Variants in HUWE1 observed in about 807,000 individuals in gnomAD.
The protein encoded by HUWE1 is E3 ubiquitin-protein ligase HUWE1.
HUWE1 carries 18 observed loss-of-function variants against 299.4 expected under a neutral mutation model. The ratio of observed to expected loss-of-function variants is 0.06; its 90% confidence interval spans 0.04 to 0.09. HUWE1 has a LOEUF of 0.09. Among genes scored for constraint, HUWE1 ranks in the 10% least tolerant of loss-of-function variants. HUWE1 has a pLI of 1.00. For missense variants in HUWE1, 1,832 were observed against 3,462.3 expected, an observed-to-expected ratio of 0.53 and a Z score of 11.82; for synonymous variants, 1,317 against 1,286.1, an observed-to-expected ratio of 1.02 and a Z score of -0.51.
intron 25 of HUWE1, among the ~76,000 whole-genome samples, chrX:53,606,897 A>G (rs1411330558): frequency 1.8e-5 from 2 of 111,607 alleles, no homozygotes; most frequent in Non-Finnish European, 3.8e-5. Flanking sequence ...TTGGCTGCAC[A>G]TCAATATGAA....
intron 81 of HUWE1, 82 bp from the exon 82 acceptor site, chrX:53,534,779 TACC>T: frequency 2.3e-6 from 2 of 874,594 alleles, no homozygotes; most frequent in Non-Finnish European, 3.3e-6. Context: ...GGCTCCCATC[TACC>T]ACTGTTAGCT....
chrX:53,684,989 T>C (rs1021558050), intron 2 of HUWE1, among the ~76,000 whole-genome samples: 5 of 111,900 alleles, frequency 4.5e-5, no homozygotes, highest in Non-Finnish European at 3.8e-5. Flanking sequence ...GCTTCGGGGA[T>C]GGGGGGAAAT....
chrX:53,626,945 C>A (rs1450557963), intron 17 of HUWE1, among the ~76,000 whole-genome samples: 1 of 111,254 alleles, frequency 9.0e-6, no homozygotes, highest in Non-Finnish European at 1.9e-5. Context: ...TACCCAACAA[C>A]CTTTTTACCT....
At chrX:53,625,287 T>C (rs1557016083) in intron 17 of HUWE1, 29 bp from the exon 18 acceptor site, 1 of 1,021,350 alleles carries the variant, frequency 9.8e-7, no homozygotes, top group Admixed American at 2.2e-5. Flanking sequence ...AAAAGAATTA[T>C]GCTGAGTTCG....
chrX:53,657,519 C>CCG (rs781869970), intron 3 of HUWE1, among the ~76,000 whole-genome samples: 15 of 111,050 alleles, frequency 1.4e-4, no homozygotes, highest in African/African-American at 4.9e-4. Flanking sequence ...GAGTGAGACT[C>CCG]CGTCTCAAAA....
At chrX:53,544,886 G>T in intron 71 of HUWE1, 124 bp from the exon 72 acceptor site, 1 of 902,718 alleles carries the variant, frequency 1.1e-6, no homozygotes, top group Non-Finnish European at 1.6e-6. Context: ...TTCCAAGTAG[G>T]AAGTAGAAAA....
At chrX:53,627,082 T>C (rs1025616779) in intron 17 of HUWE1, among the ~76,000 whole-genome samples, 6 of 111,562 alleles carry the variant, frequency 5.4e-5, no homozygotes, top group Non-Finnish European at 1.1e-4. Context: ...GACAATATCC[T>C]GATCCCATGG....
chrX:53,643,269 A>T (rs187121722), intron 7 of HUWE1, among the ~76,000 whole-genome samples: 1 of 112,266 alleles, frequency 8.9e-6, no homozygotes, highest in East Asian at 2.8e-4. Context: ...AACTGCTCTT[A>T]AATTTACAGT....
At chrX:53,570,538 G>A (rs2062776939) in intron 47 of HUWE1, among the ~76,000 whole-genome samples, 1 of 112,152 alleles carries the variant, frequency 8.9e-6, no homozygotes, top group African/African-American at 3.2e-5. Context: ...TACAATAGAA[G>A]CTGGTAAGAG....
intron 32 of HUWE1, 30 bp downstream of exon 32, chrX:53,593,334 C>T: frequency 9.9e-7 from 1 of 1,006,436 alleles, no homozygotes; most frequent in Non-Finnish European, 1.4e-6. Flanking sequence ...ATGAGAAATT[C>T]CTTTTGATTT....
Position 53,575,230 on chromosome X carries a change from G to T in HUWE1, c.6031-9C>A, listed in dbSNP as rs1556957368. On this transcript the variant is annotated splice_polypyrimidine_tract_variant and intron_variant, in intron 45 of 83. Coordinates refer to ENST00000262854, the MANE Select transcript of HUWE1 (RefSeq NM_031407.7). ...GCAGCAAAGACCTGACTCTGAAGAA[G>T]AAGAAAACTCCTGAGCTATTATGAA... 8.5e-7 allele frequency: 1 copy of T among 1,180,430 alleles called. No individual in the cohort carries two copies. The highest frequency in any genetic ancestry group is 2.2e-5 in the Admixed American group (1 of 45,651).
chrX:53,643,615 G>A (rs1224649036), intron 7 of HUWE1, among the ~76,000 whole-genome samples: 1 of 111,626 alleles, frequency 9.0e-6, no homozygotes, highest in African/African-American at 3.3e-5. Flanking sequence ...GCCCCCCAAA[G>A]TGTTGGGATT....
At chrX:53,623,936 T>C (rs1205360368) in intron 19 of HUWE1, among the ~76,000 whole-genome samples, 1 of 112,345 alleles carries the variant, frequency 8.9e-6, no homozygotes, top group Non-Finnish European at 1.9e-5. Context: ...ACTAAATTCC[T>C]TTAGCGTTTT....
At chrX:53,550,129 G>A (rs1486331980) in intron 66 of HUWE1, among the ~76,000 whole-genome samples, 1 of 111,417 alleles carries the variant, frequency 9.0e-6, no homozygotes, top group Admixed American at 9.6e-5. Flanking sequence ...CACGGCGACT[G>A]AGAAGACAGC....
At chrX:53,631,947 ATT>A (rs2066904922) in intron 9 of HUWE1, 1 of 325,500 alleles carries the variant, frequency 3.1e-6, no homozygotes, top group African/African-American at 2.7e-5. Context: ...TCATGAAAAT[ATT>A]TTCTCTCTGA....
rs1556998025 is a variant in HUWE1 at position 53,607,649 on chromosome X, G to A, written c.2370C>T (p.Cys790=). 2 of 1,208,159 alleles carry A rather than the reference G, an allele frequency of 1.7e-6. No homozygotes were observed. ...GTCCTTTCTGATTCACAAATTCCTG[G>A]CAGTGGTCATCTGTTGTATTGTTGC... ...ILSNNTTDDH[C]QEFVNQKGLL... is the part of the protein sequence containing the mutation. The change falls in exon 25 of 84, where the codon TGC becomes TGT. Residue 790 remains cysteine (C), a synonymous_variant. Transcript: ENST00000262854.
At chrX:53,635,258 A>G (rs2067134976) in intron 7 of HUWE1, among the ~76,000 whole-genome samples, 1 of 109,589 alleles carries the variant, frequency 9.1e-6, no homozygotes, top group Non-Finnish European at 1.9e-5. Context: ...TATGTAAATT[A>G]TATAAATTTT....
intron 5 of HUWE1, among the ~76,000 whole-genome samples, 184 bp from the exon 6 acceptor site, chrX:53,647,758 A>AT (rs2068153260): frequency 9.0e-6 from 1 of 111,535 alleles, no homozygotes; most frequent in African/African-American, 3.3e-5. Flanking sequence ...TGTCATACCC[A>AT]TCTAGATATA....
intron 7 of HUWE1, 112 bp downstream of exon 7, chrX:53,645,199 A>G (rs782768403): frequency 5.2e-6 from 4 of 773,864 alleles, no homozygotes; most frequent in South Asian, 2.2e-5. Context: ...CAATTAGGCC[A>G]GTGAAGTTAA....
Sources: allele counts gnomAD v4.1 joint callset (sites outside exome capture counted in the v4.1 genomes callset), GRCh38; gene constraint gnomAD v4.1.1; transcripts MANE v1.5; gene names NCBI Gene and HGNC (gene_info 2026-07-23, HGNC 2026-07-21).